ZBTB7C: variants seen among roughly 807,000 people sequenced by gnomAD.
The protein encoded by ZBTB7C is zinc finger and BTB domain containing 7C.
Under a neutral mutation model 25.7 loss-of-function variants are expected in ZBTB7C, and 8 were observed. The ratio of observed to expected loss-of-function variants is 0.31; its 90% CI spans 0.18 to 0.56. ZBTB7C has a LOEUF of 0.56. ZBTB7C is among the 20% of genes least tolerant of loss of function. The pLI, the probability that ZBTB7C is intolerant of heterozygous loss-of-function variation, is 0.91. For synonymous variants in ZBTB7C, 394 were observed against 369.0 expected, an observed-to-expected ratio of 1.07 and a Z score of -0.78; for missense variants, 824 against 855.2, an observed-to-expected ratio of 0.96 and a Z score of 0.46.
intron 2 of ZBTB7C, among the ~76,000 whole-genome samples, chr18:48,304,288 T>C (rs550434812): frequency 1.3e-5 from 2 of 152,346 alleles, no homozygotes; most frequent in East Asian, 1.9e-4. Flanking sequence ...TGTATTACTT[T>C]ACTGAGACCA....
At chr18:48,325,132 G>C (rs1000649933) in intron 2 of ZBTB7C, among the ~76,000 whole-genome samples, 4 of 152,182 alleles carry the variant, frequency 2.6e-5, no homozygotes, top group Non-Finnish European at 5.9e-5. Context: ...TAATTGATAA[G>C]TGATCCTGAG....
chr18:48,334,605 T>G (rs1161164369), intron 2 of ZBTB7C, among the ~76,000 whole-genome samples: 1 of 152,164 alleles, frequency 6.6e-6, no homozygotes, highest in Non-Finnish European at 1.5e-5. Flanking sequence ...ATTCTTCAGA[T>G]GGGGCTGGGC....
At chr18:48,282,670 T>C (rs2044900627) in intron 2 of ZBTB7C, among the ~76,000 whole-genome samples, 1 of 152,058 alleles carries the variant, frequency 6.6e-6, no homozygotes, top group Non-Finnish European at 1.5e-5. Flanking sequence ...AATACAAATA[T>C]GAGAATGTAC....
intron 2 of ZBTB7C, among the ~76,000 whole-genome samples, chr18:48,243,835 C>A (rs1188867923): frequency 6.6e-6 from 1 of 152,076 alleles, no homozygotes; most frequent in Non-Finnish European, 1.5e-5. Flanking sequence ...GCACTTAGAC[C>A]AATGGAACAG....
chr18:48,402,342 T>G (rs1260948479), intron 1 of ZBTB7C, among the ~76,000 whole-genome samples: 2 of 152,172 alleles, frequency 1.3e-5, no homozygotes, highest in Non-Finnish European at 2.9e-5. Context: ...TATATTACTT[T>G]AAGGAATACT....
chr18:48,328,010 C>T (rs1488474109), intron 2 of ZBTB7C, among the ~76,000 whole-genome samples: 2 of 151,724 alleles, frequency 1.3e-5, no homozygotes, highest in East Asian at 1.9e-4. Flanking sequence ...AGATCGAGAC[C>T]ATCCTGGCTA....
chr18:48,154,917 A>C (rs1320813724), intron 3 of ZBTB7C, among the ~76,000 whole-genome samples: 1 of 152,218 alleles, frequency 6.6e-6, no homozygotes, highest in African/African-American at 2.4e-5. Flanking sequence ...TGAAGAAGTC[A>C]AGTCTGCATA....
At chr18:48,194,138 G>A (rs1437631640) in intron 2 of ZBTB7C, among the ~76,000 whole-genome samples, 1 of 152,248 alleles carries the variant, frequency 6.6e-6, no homozygotes, top group African/African-American at 2.4e-5. Context: ...GGGCAGATGA[G>A]CCTGTCCAAG....
intron 3 of ZBTB7C, among the ~76,000 whole-genome samples, chr18:48,063,788 T>C (rs1469694066): frequency 6.6e-6 from 1 of 152,192 alleles, no homozygotes; most frequent in Non-Finnish European, 1.5e-5. Flanking sequence ...CTAAAGCTTA[T>C]AGGACTGGAA....
intron 2 of ZBTB7C, among the ~76,000 whole-genome samples, chr18:48,266,062 C>T (rs569084804): frequency 3.3e-4 from 51 of 152,246 alleles, no homozygotes; most frequent in African/African-American, 1.2e-3. Context: ...GCAATTTACT[C>T]GCAAATGGTT....
intron 3 of ZBTB7C, among the ~76,000 whole-genome samples, chr18:48,059,255 T>C (rs1365685567): frequency 6.6e-6 from 1 of 152,094 alleles, no homozygotes; most frequent in African/African-American, 2.4e-5. Flanking sequence ...TAAAGATCTG[T>C]GGTTTATAAT....
intron 2 of ZBTB7C, among the ~76,000 whole-genome samples, chr18:48,291,896 T>G (rs2097096): frequency 0.39 from 59,850 of 151,824 alleles, 12,152 homozygotes; most frequent in Admixed American, 0.46. Context: ...GGACTCAGCC[T>G]CTTAAAAATT....
chr18:48,132,128 A>G (rs1351937534), intron 3 of ZBTB7C, among the ~76,000 whole-genome samples: 1 of 152,260 alleles, frequency 6.6e-6, no homozygotes, highest in Non-Finnish European at 1.5e-5. Flanking sequence ...CCAAATATGG[A>G]AACAACCTAT....
intron 2 of ZBTB7C, among the ~76,000 whole-genome samples, chr18:48,263,644 A>G (rs993455422): frequency 2.6e-5 from 4 of 151,796 alleles, no homozygotes; most frequent in African/African-American, 9.7e-5. Flanking sequence ...GACACTGGGA[A>G]CTGTGTCTAT....
At chr18:48,233,055 A>ATG (rs1460699072) in intron 2 of ZBTB7C, among the ~76,000 whole-genome samples, 2 of 152,164 alleles carry the variant, frequency 1.3e-5, no homozygotes, top group African/African-American at 4.8e-5. Context: ...CATGGCTTGA[A>ATG]TATGTCCCCT....
intron 3 of ZBTB7C, among the ~76,000 whole-genome samples, chr18:48,075,826 G>A (rs1165774374): frequency 1.3e-5 from 2 of 152,198 alleles, no homozygotes; most frequent in Non-Finnish European, 2.9e-5. Context: ...TAATCTCCCA[G>A]CACGTCCAGA....
chr18:48,150,005 T>A (rs2040625224), intron 3 of ZBTB7C: 1 of 152,010 alleles, frequency 6.6e-6, no homozygotes, highest in South Asian at 2.1e-4. Flanking sequence ...GGTTTCACCA[T>A]GTTGGTCAGG....
chr18:48,061,329 T>C (rs932564024), intron 3 of ZBTB7C, among the ~76,000 whole-genome samples: 42 of 152,178 alleles, frequency 2.8e-4, no homozygotes, highest in African/African-American at 6.8e-4. Flanking sequence ...CCAAGACTCA[T>C]TGTGGTCTGT....
intron 1 of ZBTB7C, among the ~76,000 whole-genome samples, chr18:48,342,994 C>T (rs1034133824): frequency 7.9e-5 from 12 of 152,134 alleles, no homozygotes; most frequent in Admixed American, 7.2e-4. Context: ...TGCTGGCTGG[C>T]CTGGCAGTGC....
Sources: gnomAD v4.1 joint callset for allele counts (sites outside exome capture counted in the v4.1 genomes callset) on GRCh38, gnomAD v4.1.1 for gene constraint, MANE v1.5 for transcripts, NCBI Gene and HGNC (gene_info 2026-07-23, HGNC 2026-07-21) for gene names.